OPA3: variants seen among roughly 807,000 people sequenced by gnomAD.
OPA3 encodes the protein optic atrophy 3 protein.
OPA3 carries 6 observed loss-of-function variants against 4.0 expected under a neutral mutation model. The observed-to-expected ratio is 1.51, with a 90% confidence interval of 0.83 to 2.99. OPA3 has a LOEUF of 2.99. Ranked by LOEUF, OPA3 falls within the 30% of genes most tolerant of loss-of-function variation. The pLI is 0.00. For synonymous variants in OPA3, 105 were observed against 117.1 expected (o/e 0.90, Z 0.67); for missense variants, 235 against 256.2 (o/e 0.92, Z 0.56).
intron 1 of OPA3, among the ~76,000 whole-genome samples, chr19:45,568,075 T>C (rs1213342046): frequency 3.3e-5 from 5 of 152,138 alleles, no homozygotes; most frequent in Admixed American, 3.3e-4. Flanking sequence ...CTCAGCTCAC[T>C]ACAACCTGAG....
At chr19:45,529,586 G>A (rs1411626894) in intron 1 of OPA3, 1 of 1,139,008 alleles carries the variant, frequency 8.8e-7, no homozygotes, top group Non-Finnish European at 1.3e-6. Context: ...TGCTGGCGGG[G>A]ACGCCTTAAC....
At chr19:45,573,041 C>T (rs1294496810) in intron 1 of OPA3, among the ~76,000 whole-genome samples, 4 of 151,860 alleles carry the variant, frequency 2.6e-5, no homozygotes, top group Non-Finnish European at 2.9e-5. Context: ...CCCAAGCCCA[C>T]ATGAGGGACA....
At chr19:45,574,035 C>T (rs191203608) in intron 1 of OPA3, among the ~76,000 whole-genome samples, 37 of 150,194 alleles carry the variant, frequency 2.5e-4, no homozygotes, top group African/African-American at 8.1e-4. Context: ...TGGTGGCAGG[C>T]GCCTGTAATC....
In OPA3 at chr19:45,529,107, G is replaced by T; in HGVS notation, c.492C>A (p.Cys164Ter). The change falls in exon 2 of 2, where the codon TGC (cysteine) becomes TGA (stop). Residue 164 changes from cysteine (C) to a stop codon, truncating the protein, a stop_gained. Coordinates refer to the OPA3 transcript ENST00000323060. LOFTEE classifies it low-confidence loss of function (END_TRUNC). ...GGGGTGCAGGCGGCGGGTCTCGGAGGCAGAGGTGGGCTCGCACCTCCTGCA... is the reference window on the plus strand; with the variant it reads ...GGGGTGCAGGCGGCGGGTCTCGGAGTCAGAGGTGGGCTCGCACCTCCTGCA... 1 of 1,603,328 alleles carries T rather than the reference G, an allele frequency of 6.2e-7. No individual in the cohort carries two copies. Among genetic ancestry groups the T allele is most frequent in the South Asian group, 1.1e-5 (1 of 90,786 alleles).
chr19:45,569,798 T>C (rs1969634619), intron 1 of OPA3, among the ~76,000 whole-genome samples: 1 of 152,000 alleles, frequency 6.6e-6, no homozygotes, highest in African/African-American at 2.4e-5. Context: ...GCAGCAGCCC[T>C]ACTGAGGCCA....
chr19:45,528,835 C>A (rs555489004), exon 2 of OPA3: 12 of 549,070 alleles, frequency 2.2e-5, no homozygotes, highest in East Asian at 9.2e-5. Flanking sequence ...CTTCTTGGAA[C>A]GTTCCACCTG....
At chr19:45,575,215 G>C (rs1051563013) in intron 1 of OPA3, among the ~76,000 whole-genome samples, 1 of 151,874 alleles carries the variant, frequency 6.6e-6, no homozygotes, top group African/African-American at 2.4e-5. Context: ...CGATTCTCCT[G>C]CCTCAGCCTC....
At chr19:45,578,030 C>T (rs1366019267) in intron 1 of OPA3, among the ~76,000 whole-genome samples, 2 of 152,018 alleles carry the variant, frequency 1.3e-5, no homozygotes, top group African/African-American at 4.8e-5. Context: ...TTATGACTGA[C>T]ACAGCAAAAG....
intron 1 of OPA3, among the ~76,000 whole-genome samples, chr19:45,578,062 AT>A (rs2122511073): frequency 6.6e-6 from 1 of 152,332 alleles, no homozygotes; most frequent in East Asian, 1.9e-4. Context: ...GACTGACTCC[AT>A]CTTACTTCCA....
At chr19:45,570,537 A>T (rs1158407982) in intron 1 of OPA3, among the ~76,000 whole-genome samples, 1 of 152,100 alleles carries the variant, frequency 6.6e-6, no homozygotes, top group Non-Finnish European at 1.5e-5. Flanking sequence ...ACAAAAAAAA[A>T]TTAGCTGGGC....
rs71173184 is a variant in OPA3 at position 45,580,600 on chromosome 19, CTATTTATTTATTTATT to C, written c.142+4007_142+4022del. On this transcript the variant is annotated intron_variant, in intron 1 of 1. Coordinates refer to ENST00000263275, the MANE Select transcript of OPA3 (RefSeq NM_025136.4). ...GAGGCACCGCGCCCAGCACAGAAGCCTATTTATTTATTTATTTATTTATTTATTTATTTATTGAGAC... is the reference window on the plus strand; with the variant it reads ...GAGGCACCGCGCCCAGCACAGAAGCCTATTTATTTATTTATTTATTGAGAC... Among the ~76,000 whole-genome samples, 83 of 137,722 alleles carry C rather than the reference CTATTTATTTATTTATT, an allele frequency of 6.0e-4. 1 individual carries two copies. Among genetic ancestry groups the C allele is most frequent in the African/African-American group, 2.1e-3 (79 of 37,062 alleles). 90.4% of individuals were successfully genotyped at this position (137,722 alleles called of 152,430 possible).
At chr19:45,562,718 C>G (rs910849329) in intron 1 of OPA3, among the ~76,000 whole-genome samples, 1 of 152,054 alleles carries the variant, frequency 6.6e-6, no homozygotes, top group Non-Finnish European at 1.5e-5. Context: ...AGAAATGACA[C>G]CTAAATGAAC....
At chr19:45,545,040 C>G (rs1969230294), downstream of OPA3, among the ~76,000 whole-genome samples, 1 of 150,730 alleles carries the variant, frequency 6.6e-6, no homozygotes, top group Non-Finnish European at 1.5e-5. Flanking sequence ...TGGCAGGTGC[C>G]TGGAATCCCA....
At chr19:45,528,774 A>G (rs1361176041) in exon 2 of OPA3, 1 of 408,184 alleles carries the variant, frequency 2.4e-6, no homozygotes, top group African/African-American at 2.1e-5. Flanking sequence ...CTGTCTTTCC[A>G]AAGTGCTCAA....
chr19:45,554,046 GC>G (rs1376013370), intron 1 of OPA3, 135 bp from the exon 2 acceptor site: 21 of 707,446 alleles, frequency 3.0e-5, no homozygotes, highest in Non-Finnish European at 4.6e-5. Flanking sequence ...CTAGCGAGCA[GC>G]CAGGAATAAG....
At chr19:45,554,084 C>A (rs1969385850) in intron 1 of OPA3, among the ~76,000 whole-genome samples, 173 bp from the exon 2 acceptor site, 1 of 152,142 alleles carries the variant, frequency 6.6e-6, no homozygotes, top group South Asian at 2.1e-4. Context: ...GGGAGGTCCT[C>A]GGACTTGAGG....
At position 45,548,087 on chromosome 19, in the gene OPA3, G is replaced by A. The variant is rs1969277649; in HGVS notation, c.*5427C>T. On this transcript the variant is annotated 3_prime_UTR_variant, in exon 2 of 2. Coordinates refer to ENST00000263275, the MANE Select transcript of OPA3 (RefSeq NM_025136.4). Reference sequence around the variant, plus strand: ...GCTCCCAACTGGCTCCCAGCTACTAGAATGGAGCCTGGTGCAGTTGATCCT... The same window carrying A: ...GCTCCCAACTGGCTCCCAGCTACTAAAATGGAGCCTGGTGCAGTTGATCCT... 1.0e-6 allele frequency: 1 copy of A among 983,152 alleles called. No homozygotes were observed. Among genetic ancestry groups the A allele is most frequent in the South Asian group, 4.7e-5 (1 of 21,226 alleles). 60.9% of individuals were successfully genotyped at this position (983,152 alleles called of 1,614,324 possible).
At chr19:45,556,952 C>G (rs1568403488) in intron 1 of OPA3, among the ~76,000 whole-genome samples, 1 of 152,186 alleles carries the variant, frequency 6.6e-6, no homozygotes, top group Non-Finnish European at 1.5e-5. Context: ...CCCCAAGGCC[C>G]CTCTGTAACA....
At chr19:45,537,785 C>T (rs980237305) in intron 1 of OPA3, among the ~76,000 whole-genome samples, 3 of 151,890 alleles carry the variant, frequency 2.0e-5, no homozygotes, top group Non-Finnish European at 2.9e-5. Flanking sequence ...GGGAGAATGA[C>T]GAGACTAAAC....
Sources: allele counts gnomAD v4.1 joint callset (sites outside exome capture counted in the v4.1 genomes callset), GRCh38; gene constraint gnomAD v4.1.1; transcripts MANE v1.5; gene names NCBI Gene and HGNC (gene_info 2026-07-23, HGNC 2026-07-21).